TLK1: variants seen among roughly 807,000 people sequenced by gnomAD.
TLK1 encodes serine/threonine-protein kinase tousled-like 1.
Under a neutral mutation model 105.3 loss-of-function variants are expected in TLK1, and 24 were observed. The ratio of observed to expected loss-of-function variants is 0.23; its 90% CI spans 0.17 to 0.32. The LOEUF (loss-of-function observed/expected upper bound fraction) is 0.32, where lower values mean the gene tolerates loss of function less well. Ranked by LOEUF, TLK1 falls within the 10% of genes least tolerant of loss-of-function variation. The probability of loss-of-function intolerance (pLI) is 1.00; values close to 1 mark genes in which losing one functional copy is unlikely to be tolerated. For missense variants in TLK1, 558 were observed against 910.5 expected (o/e 0.61, Z 4.98); for synonymous variants, 321 against 310.4 (o/e 1.03, Z -0.36).
At chr2:171,043,356 T>C (rs1448949611) in intron 11 of TLK1, among the ~76,000 whole-genome samples, 1 of 152,088 alleles carries the variant, frequency 6.6e-6, no homozygotes, top group Non-Finnish European at 1.5e-5. Flanking sequence ...GGCAGTGAAG[T>C]AGAAGTACTG....
At chr2:171,038,174 G>C (rs139040038) in intron 11 of TLK1, among the ~76,000 whole-genome samples, 10 of 152,258 alleles carry the variant, frequency 6.6e-5, no homozygotes, top group Admixed American at 3.3e-4. Context: ...TCTAGACACA[G>C]TAGTAATATT....
intron 6 of TLK1, among the ~76,000 whole-genome samples, chr2:171,055,725 T>C (rs1030500103): frequency 2.6e-5 from 4 of 152,010 alleles, no homozygotes; most frequent in Admixed American, 6.6e-5. Flanking sequence ...CACGGCAATG[T>C]GATATCCTGA....
At chr2:171,080,935 C>T (rs186790006) in intron 3 of TLK1, among the ~76,000 whole-genome samples, 54 of 152,234 alleles carry the variant, frequency 3.5e-4, no homozygotes, top group African/African-American at 8.2e-4. Context: ...TCTCGAACTC[C>T]TGGTCTCAAG....
chr2:171,150,556 T>C (rs971252892), intron 1 of TLK1, among the ~76,000 whole-genome samples: 6 of 152,222 alleles, frequency 3.9e-5, no homozygotes, highest in African/African-American at 1.2e-4. Context: ...CAGGTTCCAA[T>C]GATTGGTTAA....
intron 2 of TLK1, among the ~76,000 whole-genome samples, chr2:171,116,912 T>G (rs943515498): frequency 1.3e-5 from 2 of 152,196 alleles, no homozygotes; most frequent in East Asian, 3.8e-4. Flanking sequence ...ATACATACCC[T>G]ATGATCTAGC....
chr2:171,161,035 CTGGGGGG>C (rs984502106), upstream of TLK1: 1 of 41,808 alleles, frequency 2.4e-5, no homozygotes, highest in Non-Finnish European at 5.4e-5. Flanking sequence ...CTGCCAGGGG[CTGGGGGG>C]TGGGGGCATG....
intron 18 of TLK1, among the ~76,000 whole-genome samples, chr2:171,005,779 T>A (rs930749969): frequency 2.0e-5 from 3 of 152,104 alleles, no homozygotes; most frequent in Non-Finnish European, 2.9e-5. Context: ...ATGCTTGCAG[T>A]TTTTGCTTGC....
At chr2:171,131,278 T>C (rs1453100182) in intron 1 of TLK1, among the ~76,000 whole-genome samples, 1 of 152,204 alleles carries the variant, frequency 6.6e-6, no homozygotes, top group Non-Finnish European at 1.5e-5. Context: ...TAGGTTCATA[T>C]GGTTCAACCT....
At position 170,996,496 on chromosome 2, in the gene TLK1, A is replaced by C. The variant is rs961428445; in HGVS notation, c.2124+157T>G. 1.3e-5 allele frequency among the ~76,000 whole-genome samples: 2 copies of C among 151,968 alleles called. No individual in the cohort carries two copies. Among genetic ancestry groups the C allele is most frequent in the Non-Finnish European group, 2.9e-5 (2 of 67,990 alleles). On this transcript the variant is annotated intron_variant, in intron 20 of 20. Coordinates refer to ENST00000431350, the MANE Select transcript of TLK1 (RefSeq NM_012290.5). ...ACTATAGCAACCAGAGGCTGATGCAACTCCTTCTCTGAAAGTAAATCACCA... is the reference window on the plus strand; with the variant it reads ...ACTATAGCAACCAGAGGCTGATGCACCTCCTTCTCTGAAAGTAAATCACCA...
At chr2:171,112,981 T>C (rs1357629618) in intron 2 of TLK1, among the ~76,000 whole-genome samples, 2 of 152,072 alleles carry the variant, frequency 1.3e-5, no homozygotes, top group African/African-American at 4.8e-5. Context: ...TACATTTGAA[T>C]ATTTTAAGGA....
At chr2:171,202,409 G>C (rs1032048405) in intron 1 of TLK1, among the ~76,000 whole-genome samples, 6 of 150,072 alleles carry the variant, frequency 4.0e-5, no homozygotes, top group Admixed American at 3.3e-4. Context: ...CCGGGATCGC[G>C]CCATTGCACT....
chr2:171,076,917 AAAAGAAAG>A (rs138913886), intron 3 of TLK1, among the ~76,000 whole-genome samples: 4,023 of 151,792 alleles, frequency 0.027, 150 homozygotes, highest in African/African-American at 0.084. Flanking sequence ...TGTCTCAAAA[AAAAGAAAG>A]AAAGAAAGAA....
intron 1 of TLK1, among the ~76,000 whole-genome samples, chr2:171,157,573 G>C (rs954271338): frequency 6.6e-6 from 1 of 152,108 alleles, no homozygotes; most frequent in Non-Finnish European, 1.5e-5. Flanking sequence ...AAATCTTATA[G>C]AGCTGTATTT....
At chr2:171,221,930 C>A (rs186131499) in intron 1 of TLK1, among the ~76,000 whole-genome samples, 65 of 152,302 alleles carry the variant, frequency 4.3e-4, no homozygotes, top group Admixed American at 3.8e-3. Context: ...GGGGTTAGGG[C>A]GTCAGCATAT....
At position 171,079,479 on chromosome 2, in the gene TLK1, C is replaced by A. The variant is rs936594025; in HGVS notation, c.330+3302G>T. Reference sequence around the variant, plus strand: ...ATTGTATCCTATTCATCTTTATATTCTCTGTGATTGGGCAGAGACTAAAAG... The same window carrying A: ...ATTGTATCCTATTCATCTTTATATTATCTGTGATTGGGCAGAGACTAAAAG... On this transcript the variant is annotated intron_variant, in intron 3 of 20. Transcript: ENST00000431350. Among the ~76,000 whole-genome samples the A allele has an allele frequency of 2.0e-5, 3 of 152,260 alleles. No homozygotes were observed. The South Asian group carries it at 6.2e-4, about 32-fold the overall frequency.
intron 19 of TLK1, among the ~76,000 whole-genome samples, chr2:170,997,014 T>C (rs564833417): frequency 1.3e-5 from 2 of 152,334 alleles, no homozygotes; most frequent in East Asian, 1.9e-4. Context: ...GCTGTTGCAA[T>C]ATAAGATAAA....
chr2:171,185,996 T>G (rs2105310477), intron 1 of TLK1, among the ~76,000 whole-genome samples: 1 of 152,348 alleles, frequency 6.6e-6, no homozygotes, highest in African/African-American at 2.4e-5. Context: ...TCTGTGAAAC[T>G]GCTTTTAACT....
intron 1 of TLK1, among the ~76,000 whole-genome samples, chr2:171,211,570 A>G (rs1693613443): frequency 6.6e-6 from 1 of 150,602 alleles, no homozygotes; most frequent in Non-Finnish European, 1.5e-5. Context: ...TTTTTTTGAG[A>G]TTAGAGTCTT....
intron 11 of TLK1, among the ~76,000 whole-genome samples, chr2:171,035,396 C>G (rs1241915689): frequency 6.6e-6 from 1 of 151,878 alleles, no homozygotes; most frequent in Non-Finnish European, 1.5e-5. Context: ...CTTCTCTTGT[C>G]TGCCACCATG....
Sources: gnomAD v4.1 joint callset for allele counts (sites outside exome capture counted in the v4.1 genomes callset) on GRCh38, gnomAD v4.1.1 for gene constraint, MANE v1.5 for transcripts, NCBI Gene and HGNC (gene_info 2026-07-23, HGNC 2026-07-21) for gene names.